Variants in DSCAML1 observed in about 807,000 individuals in gnomAD.
DSCAML1 encodes cell adhesion molecule DSCAML1.
Under a neutral mutation model 200.5 loss-of-function variants are expected in DSCAML1, and 38 were observed. That is an observed-to-expected ratio of 0.19 (90% CI 0.15 to 0.25). The LOEUF is 0.25. Among genes scored for constraint, DSCAML1 ranks in the 10% least tolerant of loss-of-function variants. The pLI, the probability that DSCAML1 is intolerant of heterozygous loss-of-function variation, is 1.00. For missense variants in DSCAML1, 2,223 were observed against 2,858.8 expected (o/e 0.78, Z 5.07); for synonymous variants, 1,215 against 1,165.0 (o/e 1.04, Z -0.87).
At chr11:117,769,188 ATATATT>A (rs1225439275) in intron 3 of DSCAML1, among the ~76,000 whole-genome samples, 6 of 28,378 alleles carry the variant, frequency 2.1e-4, no homozygotes, top group Non-Finnish European at 2.9e-4. Context: ...TATTATACAT[ATATATT>A]TTATATATAT....
In DSCAML1 at chr11:117,614,096, C is replaced by G. The variant is rs1160398554; in HGVS notation, c.512-81574G>C. 5.3e-5 allele frequency among the ~76,000 whole-genome samples: 8 copies of G among 152,100 alleles called. No individual in the cohort carries two copies. The East Asian group carries it at 1.5e-3, about 29-fold the overall frequency. ...ACAGGGAAGAAAAGCCACTAAGCTGCCCTGGAGAGAGATATATATGCATCT... is the reference window on the plus strand; with the variant it reads ...ACAGGGAAGAAAAGCCACTAAGCTGGCCTGGAGAGAGATATATATGCATCT... On this transcript the variant is annotated intron_variant, in intron 3 of 32. Coordinates refer to ENST00000651296, the MANE Select transcript of DSCAML1 (RefSeq NM_020693.4).
chr11:117,517,633 C>A (rs1443684508), intron 7 of DSCAML1, among the ~76,000 whole-genome samples: 2 of 152,218 alleles, frequency 1.3e-5, no homozygotes, highest in Non-Finnish European at 2.9e-5. Flanking sequence ...TGAAACTCCA[C>A]CTTTGCTCCT....
intron 3 of DSCAML1, among the ~76,000 whole-genome samples, chr11:117,654,548 G>A (rs1184421465): frequency 1.3e-5 from 2 of 152,156 alleles, no homozygotes; most frequent in African/African-American, 2.4e-5. Context: ...TCAGAGGAGC[G>A]CTGCAAGAAA....
chr11:117,527,750 T>C (rs2050003053), intron 4 of DSCAML1, among the ~76,000 whole-genome samples: 1 of 152,168 alleles, frequency 6.6e-6, no homozygotes, highest in Non-Finnish European at 1.5e-5. Flanking sequence ...CCTTCACTAA[T>C]GGAAGCTTTC....
intron 3 of DSCAML1, among the ~76,000 whole-genome samples, chr11:117,543,369 ACTGGCATGTTGTGTATCTGTG>A (rs1363093672): frequency 4.0e-5 from 6 of 151,600 alleles, no homozygotes; most frequent in South Asian, 2.1e-4. Flanking sequence ...GTGTACCTGC[ACTGGCATGTTGTGTATCTGTG>A]CTGGCATGTT....
chr11:117,623,816 A>T (rs2051988764), intron 3 of DSCAML1, among the ~76,000 whole-genome samples: 1 of 152,222 alleles, frequency 6.6e-6, no homozygotes, highest in Non-Finnish European at 1.5e-5. Context: ...GTAGCCCAAG[A>T]TCACACACCT....
chr11:117,797,407 G>A, upstream of DSCAML1: 1 of 637,888 alleles, frequency 1.6e-6, no homozygotes, highest in Admixed American at 4.4e-5. Context: ...CCCCGACCCG[G>A]CTCCGCTGTC....
Position 117,525,090 on chromosome 11 carries a change from G to A in DSCAML1, c.659-7C>T. On this transcript the variant is annotated splice_polypyrimidine_tract_variant and splice_region_variant and intron_variant, in intron 4 of 32. Coordinates refer to ENST00000651296, the MANE Select transcript of DSCAML1 (RefSeq NM_020693.4). ...GGGATCGACTCAGCAGGGTCTGGAA[G>A]GCAGAGAGGGTCGGCAGCCCTGGCC... 6.5e-7 allele frequency: 1 copy of A among 1,530,160 alleles called. No homozygotes were observed. The highest frequency in any genetic ancestry group is 8.7e-7 in the Non-Finnish European group (1 of 1,145,326). 94.8% of individuals were successfully genotyped at this position (1,530,160 alleles called of 1,614,324 possible).
intron 3 of DSCAML1, among the ~76,000 whole-genome samples, chr11:117,755,618 A>G (rs969684482): frequency 1.3e-5 from 2 of 152,188 alleles, no homozygotes; most frequent in Admixed American, 1.3e-4. Context: ...CAAATTACAG[A>G]GTCAAGTCAG....
chr11:117,547,846 C>T (rs1043058469), intron 3 of DSCAML1, among the ~76,000 whole-genome samples: 12 of 152,154 alleles, frequency 7.9e-5, no homozygotes, highest in Admixed American at 3.3e-4. Flanking sequence ...AGCCCAAGCC[C>T]ACAGTCATGC....
intron 3 of DSCAML1, among the ~76,000 whole-genome samples, chr11:117,622,956 G>C (rs1218596371): frequency 6.6e-6 from 1 of 152,102 alleles, no homozygotes; most frequent in Non-Finnish European, 1.5e-5. Context: ...CTTCTACTGG[G>C]CAGGCTAGGG....
chr11:117,674,432 C>A (rs2053170657), intron 3 of DSCAML1, among the ~76,000 whole-genome samples: 1 of 152,148 alleles, frequency 6.6e-6, no homozygotes, highest in Non-Finnish European at 1.5e-5. Flanking sequence ...AGAGGCATTT[C>A]TGAAGGGCCA....
At chr11:117,471,019 G>C (rs1337670819) in intron 15 of DSCAML1, among the ~76,000 whole-genome samples, 1 of 152,164 alleles carries the variant, frequency 6.6e-6, no homozygotes. Flanking sequence ...TCAGGATATT[G>C]ATTACTTCAA....
Position 117,521,213 on chromosome 11 carries a change from T to C in DSCAML1, c.1130A>G (p.Gln377Arg), listed in dbSNP as rs1168639308. 4 of 1,613,994 alleles carry C rather than the reference T, an allele frequency of 2.5e-6. No homozygotes were observed. The African/African-American group carries it at 5.3e-5, about 22-fold the overall frequency. ...SNETLLITSA[Q>R]KSHSGAYQCF... Reference sequence around the variant, plus strand: ...CTGGTAGGCCCCGGAATGGCTCTTCTGGGCCGAGGTGATGAGCAGCGTCTC... The same window carrying C: ...CTGGTAGGCCCCGGAATGGCTCTTCCGGGCCGAGGTGATGAGCAGCGTCTC... Residue 377 changes from glutamine to arginine, a missense_variant, in exon 6 of 33, where the codon CAG becomes CGG. By Grantham distance (43) the Gln-to-Arg change is conservative (BLOSUM62 1). This residue lies in a region of DSCAML1 where 579 missense variants were observed against 721.5 expected (regional missense o/e 0.80). Transcript: ENST00000651296.
chr11:117,815,728 CACTGTTCCAGG>C (rs1290095124), intron 1 of DSCAML1, among the ~76,000 whole-genome samples: 1 of 151,930 alleles, frequency 6.6e-6, no homozygotes, highest in Non-Finnish European at 1.5e-5. Flanking sequence ...GCTGGGCCTC[CACTGTTCCAGG>C]ACTGTTCCTG....
At chr11:117,753,416 C>A (rs2054634425) in intron 3 of DSCAML1, among the ~76,000 whole-genome samples, 1 of 152,182 alleles carries the variant, frequency 6.6e-6, no homozygotes, top group South Asian at 2.1e-4. Flanking sequence ...CCTTATTCTT[C>A]ACTTGTAAAA....
chr11:117,781,293 A>G (rs1229163975), intron 1 of DSCAML1, among the ~76,000 whole-genome samples: 8 of 78,012 alleles, frequency 1.0e-4, no homozygotes, highest in Middle Eastern at 0.013. Context: ...TCTGTCTCGA[A>G]AAAAAAAAAA....
chr11:117,808,295 C>A (rs2055725933), intron 1 of DSCAML1, among the ~76,000 whole-genome samples: 1 of 152,204 alleles, frequency 6.6e-6, no homozygotes, highest in African/African-American at 2.4e-5. Context: ...GGCCTTCGGA[C>A]TCTATATTCT....
intron 3 of DSCAML1, among the ~76,000 whole-genome samples, chr11:117,678,866 C>T (rs2053263483): frequency 1.3e-5 from 2 of 152,248 alleles, no homozygotes; most frequent in African/African-American, 4.8e-5. Flanking sequence ...AATGGGGCAA[C>T]AGCCAAGAGA....
Sources: gnomAD v4.1 joint callset for allele counts (sites outside exome capture counted in the v4.1 genomes callset) on GRCh38, gnomAD v4.1.1 for gene constraint, gnomAD v4.1.1 regional missense constraint, MANE v1.5 for transcripts, NCBI Gene and HGNC (gene_info 2026-07-23, HGNC 2026-07-21) for gene names.